GAN: variants seen among roughly 807,000 people sequenced by gnomAD.
GAN encodes epididymis secretory sperm binding protein.
In GAN, 48 loss-of-function variants were observed where a neutral mutation model predicts 71.3. The ratio of observed to expected loss-of-function variants is 0.67; its 90% CI spans 0.53 to 0.86. GAN has a LOEUF of 0.86. Ranked by LOEUF, GAN falls within the 40% of genes least tolerant of loss-of-function variation. GAN has a pLI of 0.00. For synonymous variants in GAN, 386 were observed against 276.8 expected, an observed-to-expected ratio of 1.39 and a Z score of -3.92; for missense variants, 928 against 770.1, an observed-to-expected ratio of 1.21 and a Z score of -2.43.
At chr16:81,375,509 T>C (rs1158059105) in intron 9 of GAN, among the ~76,000 whole-genome samples, 3 of 152,086 alleles carry the variant, frequency 2.0e-5, no homozygotes, top group South Asian at 2.1e-4. Flanking sequence ...GTATTTTTTG[T>C]AAAGACAAGG....
At chr16:81,326,527 C>G (rs1379976797) in intron 1 of GAN, among the ~76,000 whole-genome samples, 2 of 152,020 alleles carry the variant, frequency 1.3e-5, no homozygotes, top group African/African-American at 2.4e-5. Context: ...GAGTGAAACT[C>G]CGTCTCAAAA....
intron 1 of GAN, 48 bp downstream of exon 1, chr16:81,315,328 CG>C: frequency 7.5e-7 from 1 of 1,334,940 alleles, no homozygotes. Flanking sequence ...TGCCCGGAGC[CG>C]GAGGCGGGGC....
chr16:81,378,869 G>C lies in GAN; in HGVS notation c.*1273G>C, dbSNP rs75176423. ...ATTGGGGGAAAAATGTCTTTCGTTC[G>C]TGGAACGTATCTTGTAAGATATTTT... On this transcript the variant is annotated 3_prime_UTR_variant, in exon 11 of 11. Transcript: ENST00000648994. 2,284 of 152,496 alleles carry C rather than the reference G, an allele frequency of 0.015. 43 individuals carry two copies. Among genetic ancestry groups the C allele is most frequent in the East Asian group, 0.075 (388 of 5,172 alleles). 9.4% of individuals were successfully genotyped at this position (152,496 alleles called of 1,614,324 possible).
intron 5 of GAN, among the ~76,000 whole-genome samples, chr16:81,360,725 T>G (rs751327322): frequency 1.3e-5 from 2 of 152,322 alleles, no homozygotes; most frequent in South Asian, 2.1e-4. Context: ...ATGATAAGCA[T>G]TTGTTTAAAT....
intron 1 of GAN, among the ~76,000 whole-genome samples, chr16:81,318,063 T>C (rs1909104622): frequency 6.6e-6 from 1 of 152,188 alleles, no homozygotes; most frequent in Non-Finnish European, 1.5e-5. Context: ...ATTTGTTAAT[T>C]TTGTATTTTT....
At chr16:81,330,629 C>T (rs1204646400) in intron 1 of GAN, among the ~76,000 whole-genome samples, 1 of 152,194 alleles carries the variant, frequency 6.6e-6, no homozygotes, top group Non-Finnish European at 1.5e-5. Context: ...TAGAAATCAT[C>T]ATTGAAGTAC....
At chr16:81,367,044 C>G (rs1171617649) in intron 9 of GAN, among the ~76,000 whole-genome samples, 1 of 151,976 alleles carries the variant, frequency 6.6e-6, no homozygotes, top group African/African-American at 2.4e-5. Context: ...AGGTTGGTCT[C>G]GAACTCCTGA....
intron 9 of GAN, among the ~76,000 whole-genome samples, chr16:81,368,302 A>C (rs1437728557): frequency 2.6e-5 from 4 of 152,206 alleles, no homozygotes; most frequent in Non-Finnish European, 5.9e-5. Context: ...ATCCATGTTC[A>C]AAAAAGGGTC....
intron 9 of GAN, among the ~76,000 whole-genome samples, chr16:81,366,308 G>A (rs1265006119): frequency 6.6e-6 from 1 of 152,190 alleles, no homozygotes; most frequent in African/African-American, 2.4e-5. Context: ...TGTTGATTAA[G>A]TGGCTGAGGC....
At chr16:81,356,678 C>A in intron 3 of GAN, 107 bp from the exon 4 acceptor site, 1 of 830,236 alleles carries the variant, frequency 1.2e-6, no homozygotes, top group South Asian at 1.3e-5. Flanking sequence ...CTGGTAATAA[C>A]CTGAGTGTTA....
At position 81,379,280 on chromosome 16, in the gene GAN, A is replaced by G. The variant is rs1386303509; in HGVS notation, c.*1684A>G. 6.6e-6 allele frequency: 1 copy of G among 152,192 alleles called. No individual in the cohort carries two copies. The highest frequency in any genetic ancestry group is 1.5e-5 in the Non-Finnish European group (1 of 68,038). 9.4% of individuals were successfully genotyped at this position (152,192 alleles called of 1,614,324 possible). A position where few individuals can be genotyped will look rare whatever the true frequency, so the allele number is the denominator to read the frequency against. On this transcript the variant is annotated 3_prime_UTR_variant, in exon 11 of 11. Coordinates refer to ENST00000648994, the MANE Select transcript of GAN (RefSeq NM_022041.4). ...TCTTATACCTGCTGGAAGTCAGTAC[A>G]ATGCGTCAAAAGTTGCTGAAAGATG...
At chr16:81,328,731 A>T (rs1184060810) in intron 1 of GAN, among the ~76,000 whole-genome samples, 1 of 152,002 alleles carries the variant, frequency 6.6e-6, no homozygotes, top group East Asian at 1.9e-4. Flanking sequence ...TTTCTCAAAA[A>T]TCGTTACTTC....
Position 81,363,020 on chromosome 16 carries a change from A to C in GAN, c.1086+409A>C, listed in dbSNP as rs146745443. Among the ~76,000 whole-genome samples, 1,385 of 152,270 alleles carry C rather than the reference A, an allele frequency of 9.1e-3. 10 individuals are homozygous for C. Among genetic ancestry groups the C allele is most frequent in the Middle Eastern group, 0.031 (9 of 292 alleles). The stretch of plus-strand genomic sequence containing the variant: ...AAGCTCTTTGATGGCAGAGAATTAC[A>C]TGTGTTCTGGTCAGTATTTCATTTT... On this transcript the variant is annotated intron_variant, in intron 6 of 10. Transcript: ENST00000648994.
At chr16:81,349,040 A>T (rs200644292) in intron 1 of GAN, among the ~76,000 whole-genome samples, 1 of 152,198 alleles carries the variant, frequency 6.6e-6, no homozygotes, top group South Asian at 2.1e-4. Context: ...TCTTCAAAAT[A>T]TAAGTCATTT....
In GAN at chr16:81,387,505, C is replaced by T. The variant is rs1229448627; in HGVS notation, c.*9909C>T. ...ACGAGCCTCTGCCTGTGTGTCCTGA[C>T]CCCTCTTGCCTTGTTTTTGATCTGC... On this transcript the variant is annotated 3_prime_UTR_variant, in exon 11 of 11. Transcript: ENST00000648994. 2 of 152,548 alleles carry T rather than the reference C, an allele frequency of 1.3e-5. No homozygotes were observed. Among genetic ancestry groups the T allele is most frequent in the Non-Finnish European group, 2.9e-5 (2 of 68,358 alleles). 9.4% of individuals were successfully genotyped at this position (152,548 alleles called of 1,614,324 possible).
chr16:81,318,443 G>T (rs374491720), intron 1 of GAN, among the ~76,000 whole-genome samples: 3 of 151,904 alleles, frequency 2.0e-5, no homozygotes, highest in Admixed American at 6.6e-5. Context: ...CGGGAGGATC[G>T]TTTGAGGTCA....
intron 1 of GAN, among the ~76,000 whole-genome samples, chr16:81,345,890 C>G (rs938927558): frequency 1.4e-4 from 22 of 152,222 alleles, no homozygotes; most frequent in Non-Finnish European, 2.8e-4. Context: ...CACCTCAGAT[C>G]ATCAGACATT....
At chr16:81,355,979 A>G (rs757273291) in intron 3 of GAN, among the ~76,000 whole-genome samples, 14 of 152,196 alleles carry the variant, frequency 9.2e-5, no homozygotes, top group Non-Finnish European at 1.9e-4. Context: ...GAAAAATGAG[A>G]AAAATTTCCT....
Position 81,382,647 on chromosome 16 carries a change from T to C in GAN, c.*5051T>C, listed in dbSNP as rs1242229377. ...CTGTAGTTTTGAGAAATTACAGAAATTCATAGTATAAGGATGAGAAGGGGC... is the reference window on the plus strand; with the variant it reads ...CTGTAGTTTTGAGAAATTACAGAAACTCATAGTATAAGGATGAGAAGGGGC... On this transcript the variant is annotated 3_prime_UTR_variant, in exon 11 of 11. Transcript: ENST00000648994. The C allele has an allele frequency of 6.6e-6, 1 of 152,210 alleles. No homozygotes were observed. The highest frequency in any genetic ancestry group is 1.5e-5 in the Non-Finnish European group (1 of 68,046). 9.4% of individuals were successfully genotyped at this position (152,210 alleles called of 1,614,324 possible).
Sources: gnomAD v4.1 joint callset for allele counts (sites outside exome capture counted in the v4.1 genomes callset) on GRCh38, gnomAD v4.1.1 for gene constraint, MANE v1.5 for transcripts, NCBI Gene and HGNC (gene_info 2026-07-23, HGNC 2026-07-21) for gene names.